Variants in LRRC28 observed in about 807,000 individuals in gnomAD.
The protein encoded by LRRC28 is leucine rich repeat containing 28.
Under a neutral mutation model 45.7 loss-of-function variants are expected in LRRC28, and 39 were observed. The ratio of observed to expected loss-of-function variants is 0.85; its 90% CI spans 0.66 to 1.12. The LOEUF is 1.12. Ranked by LOEUF, LRRC28 falls within the 50% of genes most tolerant of loss-of-function variation. The pLI is 0.00. For missense variants in LRRC28, 435 were observed against 438.5 expected (o/e 0.99, Z 0.07); for synonymous variants, 206 against 178.8 (o/e 1.15, Z -1.22).
intron 5 of LRRC28, among the ~76,000 whole-genome samples, chr15:99,326,884 A>T (rs1262227523): frequency 6.6e-6 from 1 of 152,198 alleles, no homozygotes; most frequent in Non-Finnish European, 1.5e-5. Flanking sequence ...TTTTAGTATC[A>T]GGGTAATGTT....
At chr15:99,330,731 T>C (rs1032648502) in intron 5 of LRRC28, among the ~76,000 whole-genome samples, 1 of 152,184 alleles carries the variant, frequency 6.6e-6, no homozygotes, top group African/African-American at 2.4e-5. Context: ...GATATGATTG[T>C]GTTTATTAAT....
rs2152332381 is a variant in LRRC28 at position 99,369,793 on chromosome 15, AG to A, written c.1031+6531del. On this transcript the variant is annotated intron_variant, in intron 9 of 9. Coordinates refer to ENST00000301981, the MANE Select transcript of LRRC28 (RefSeq NM_144598.5). Reference sequence around the variant, plus strand: ...ACTAAAAGGTCTTACTTTAATCACCAGGGTATTTTGAGACAGGAACTGTAGG... The same window carrying A: ...ACTAAAAGGTCTTACTTTAATCACCAGGTATTTTGAGACAGGAACTGTAGG... Among the ~76,000 whole-genome samples, 3 of 152,348 alleles carry A rather than the reference AG, an allele frequency of 2.0e-5. No homozygotes were observed. In the East Asian group the frequency reaches 5.8e-4, roughly 29 times the overall value.
chr15:99,289,882 G>A (rs1203816896), intron 5 of LRRC28, among the ~76,000 whole-genome samples: 1 of 135,834 alleles, frequency 7.4e-6, no homozygotes, highest in Non-Finnish European at 1.5e-5. Flanking sequence ...GCAGTGAGCC[G>A]AGATTGCGCC....
At chr15:99,323,511 A>G (rs537484213) in intron 5 of LRRC28, among the ~76,000 whole-genome samples, 74 of 152,218 alleles carry the variant, frequency 4.9e-4, no homozygotes, top group Non-Finnish European at 8.7e-4. Flanking sequence ...TTAAAAATGG[A>G]CTAATATTTC....
chr15:99,349,666 T>C (rs930014652), intron 6 of LRRC28, among the ~76,000 whole-genome samples: 1 of 152,108 alleles, frequency 6.6e-6, no homozygotes, highest in Non-Finnish European at 1.5e-5. Flanking sequence ...GAGAAAGTAG[T>C]CATAACATAA....
intron 6 of LRRC28, among the ~76,000 whole-genome samples, chr15:99,337,565 C>T (rs971767875): frequency 1.3e-5 from 2 of 152,256 alleles, no homozygotes; most frequent in African/African-American, 2.4e-5. Flanking sequence ...TACAGAGTAG[C>T]TTCTTCTGTC....
intron 7 of LRRC28, chr15:99,354,022 A>G (rs893114101): frequency 3.9e-5 from 6 of 152,232 alleles, no homozygotes; most frequent in African/African-American, 1.4e-4. Flanking sequence ...CTTTTTTATT[A>G]TTAAACTTTT....
At chr15:99,261,462 C>G (rs1046099658) in intron 2 of LRRC28, among the ~76,000 whole-genome samples, 2 of 152,092 alleles carry the variant, frequency 1.3e-5, no homozygotes, top group Non-Finnish European at 2.9e-5. Flanking sequence ...GATTCGGTGT[C>G]TGGTGAGGTC....
At chr15:99,350,494 CCTCT>C (rs1277034786) in intron 6 of LRRC28, among the ~76,000 whole-genome samples, 3 of 152,228 alleles carry the variant, frequency 2.0e-5, no homozygotes, top group Admixed American at 6.5e-5. Context: ...CTTCAACCAG[CCTCT>C]CTAATAGCAG....
At chr15:99,368,277 A>G (rs1047997882) in intron 9 of LRRC28, among the ~76,000 whole-genome samples, 5 of 152,198 alleles carry the variant, frequency 3.3e-5, no homozygotes, top group African/African-American at 1.2e-4. Flanking sequence ...CTATGAACCT[A>G]TGAAACCAGA....
At chr15:99,311,651 TGC>T (rs1955416122) in intron 5 of LRRC28, among the ~76,000 whole-genome samples, 1 of 152,204 alleles carries the variant, frequency 6.6e-6, no homozygotes, top group Admixed American at 6.5e-5. Context: ...TGTAATTGCC[TGC>T]AAGTTCAGAA....
chr15:99,302,664 A>G (rs780968661), intron 5 of LRRC28, among the ~76,000 whole-genome samples: 3 of 152,198 alleles, frequency 2.0e-5, no homozygotes, highest in Non-Finnish European at 4.4e-5. Context: ...CCTCAATACA[A>G]TCTAGTTTTA....
In LRRC28 at chr15:99,361,378, C is replaced by T; in HGVS notation, c.738C>T (p.Ser246=). 6.2e-7 allele frequency: 1 copy of T among 1,613,756 alleles called. No homozygotes were observed. Among genetic ancestry groups the T allele is most frequent in the East Asian group, 2.2e-5 (1 of 44,878 alleles). The part of the protein sequence containing the change: ...PIQVSEVKLL[S]FSSGQRTVFL... ...AAGTTTCCGAGGTGAAGCTGCTTTC[C>T]TTTTCATCAGGGCAGCGAACCGTTT... Residue 246 remains serine (S), a synonymous_variant, in exon 8 of 10, where the codon TCC becomes TCT. Transcript: ENST00000301981.
intron 5 of LRRC28, among the ~76,000 whole-genome samples, chr15:99,316,874 G>C (rs950399250): frequency 2.0e-5 from 3 of 152,114 alleles, no homozygotes; most frequent in African/African-American, 4.8e-5. Flanking sequence ...TTGCTCTGTT[G>C]CCCAGGCTGG....
At chr15:99,350,678 C>T (rs1205304014) in intron 6 of LRRC28, among the ~76,000 whole-genome samples, 1 of 152,198 alleles carries the variant, frequency 6.6e-6, no homozygotes, top group African/African-American at 2.4e-5. Flanking sequence ...GCTGTCTGGG[C>T]CTTTGACTTT....
intron 2 of LRRC28, among the ~76,000 whole-genome samples, chr15:99,268,330 T>C (rs2081385232): frequency 1.3e-5 from 2 of 152,206 alleles, no homozygotes; most frequent in Admixed American, 1.3e-4. Flanking sequence ...GGAACCTGAC[T>C]TAGCATATAC....
chr15:99,365,751 A>G (rs965667830), intron 9 of LRRC28, among the ~76,000 whole-genome samples: 3 of 152,236 alleles, frequency 2.0e-5, no homozygotes, highest in East Asian at 1.9e-4. Flanking sequence ...ATATTCTTCT[A>G]AAATACCAAA....
At chr15:99,326,244 G>A (rs531085870) in intron 5 of LRRC28, among the ~76,000 whole-genome samples, 61 of 152,254 alleles carry the variant, frequency 4.0e-4, no homozygotes, top group Non-Finnish European at 6.2e-4. Context: ...TGATTAAAAG[G>A]TTTTAAAAGG....
intron 9 of LRRC28, among the ~76,000 whole-genome samples, chr15:99,363,606 C>G (rs1957266125): frequency 1.3e-5 from 2 of 152,172 alleles, no homozygotes; most frequent in African/African-American, 4.8e-5. Flanking sequence ...ACGGGATGAG[C>G]CCAGCTCTTT....
Sources: allele counts gnomAD v4.1 joint callset (sites outside exome capture counted in the v4.1 genomes callset), GRCh38; gene constraint gnomAD v4.1.1; transcripts MANE v1.5; gene names NCBI Gene and HGNC (gene_info 2026-07-23, HGNC 2026-07-21).